MICAL3: variants seen among roughly 807,000 people sequenced by gnomAD.
The protein encoded by MICAL3 is [F-actin]-monooxygenase MICAL3.
Under a neutral mutation model 207.4 loss-of-function variants are expected in MICAL3, and 62 were observed. The observed-to-expected ratio is 0.30, with a 90% CI of 0.24 to 0.37. The LOEUF is 0.37. Ranked by LOEUF, MICAL3 falls within the 10% of genes least tolerant of loss-of-function variation. MICAL3 has a pLI of 1.00. For missense variants in MICAL3, 2,368 were observed against 2,635.6 expected (o/e 0.90, Z 2.22); for synonymous variants, 1,077 against 1,069.3 (o/e 1.01, Z -0.14).
intron 20 of MICAL3, chr22:17,839,520 G>A (rs1378336338): frequency 1.3e-5 from 2 of 150,564 alleles, no homozygotes; most frequent in Non-Finnish European, 2.9e-5. Context: ...GCCTCCCAAA[G>A]TGCTGGGATT....
chr22:17,853,775 C>G (rs756337930), intron 19 of MICAL3, among the ~76,000 whole-genome samples: 8 of 152,228 alleles, frequency 5.3e-5, no homozygotes, highest in Non-Finnish European at 1.2e-4. Context: ...CTCTCTGAGG[C>G]TGGGGCCACC....
chr22:17,833,874 T>C (rs1359235440), intron 20 of MICAL3, among the ~76,000 whole-genome samples: 3 of 152,182 alleles, frequency 2.0e-5, no homozygotes, highest in African/African-American at 7.2e-5. Flanking sequence ...AGAGTACAGC[T>C]GTCCTGGCCC....
At chr22:18,018,023 T>G (rs920010958) in intron 1 of MICAL3, among the ~76,000 whole-genome samples, 1 of 151,898 alleles carries the variant, frequency 6.6e-6, no homozygotes, top group Non-Finnish European at 1.5e-5. Flanking sequence ...GTGCTGGGAT[T>G]ACAGGCATGC....
chr22:17,866,077 T>C (rs1190003917), intron 17 of MICAL3, 65 bp from the exon 18 acceptor site: 1 of 1,223,898 alleles, frequency 8.2e-7, no homozygotes, highest in African/African-American at 1.5e-5. Flanking sequence ...CGTGCCTCCC[T>C]GGTCTCAGCC....
In MICAL3 at chr22:17,889,091, T is replaced by C. The variant is rs762488684; in HGVS notation, c.1834A>G (p.Met612Val). ...ASVGEPDKLS[M>V]VMYLTQFYEM... The stretch of plus-strand genomic sequence containing the variant: ...TAGAACTGAGTCAGGTACATCACCA[T>C]GGACAGCTTATCAGGCTCCCCCACG... Residue 612 changes from methionine to valine, a missense_variant, in exon 13 of 32, where the codon ATG (methionine) becomes GTG (valine). Met to Val is a conservative substitution (Grantham distance 21). Around this residue, in one of 4 missense-constraint regions of MICAL3, gnomAD observed 1,770 missense variants for 1,863.2 expected, o/e 0.95. Transcript: ENST00000441493. 2 of 1,613,672 alleles carry C rather than the reference T, an allele frequency of 1.2e-6. No homozygotes were observed. The highest frequency in any genetic ancestry group is 2.7e-5 in the African/African-American group (2 of 74,918).
intron 1 of MICAL3, among the ~76,000 whole-genome samples, chr22:17,961,145 G>A (rs1934895290): frequency 1.3e-5 from 2 of 152,176 alleles, no homozygotes. Context: ...GAGGATGGCT[G>A]GCGGTGGCCT....
chr22:17,885,600 C>A (rs1356407838), intron 16 of MICAL3, among the ~76,000 whole-genome samples: 2 of 151,234 alleles, frequency 1.3e-5, no homozygotes, highest in Non-Finnish European at 2.9e-5. Flanking sequence ...CAAACATGTA[C>A]AGATGTACAG....
chr22:18,002,959 A>G (rs1026233178), intron 1 of MICAL3, among the ~76,000 whole-genome samples: 1 of 152,158 alleles, frequency 6.6e-6, no homozygotes, highest in Non-Finnish European at 1.5e-5. Flanking sequence ...GATCCAGACC[A>G]TCCTGGATAA....
chr22:17,899,032 C>T (rs571612288), intron 7 of MICAL3, among the ~76,000 whole-genome samples: 112 of 152,324 alleles, frequency 7.4e-4, no homozygotes, highest in African/African-American at 2.5e-3. Context: ...TTCAACCAAC[C>T]AATCATCAGT....
intron 27 of MICAL3, among the ~76,000 whole-genome samples, chr22:17,811,846 G>A (rs563968622): frequency 3.3e-5 from 5 of 152,272 alleles, no homozygotes; most frequent in Middle Eastern, 3.4e-3. Flanking sequence ...CTGGACTCAC[G>A]TGATCCTCCC....
intron 19 of MICAL3, among the ~76,000 whole-genome samples, chr22:17,858,120 G>C (rs1926121250): frequency 6.6e-6 from 1 of 152,244 alleles, no homozygotes; most frequent in Admixed American, 6.5e-5. Flanking sequence ...CCATCCACCT[G>C]GAGGCCCGCA....
At chr22:17,801,699 G>A (rs988299095) in intron 29 of MICAL3, among the ~76,000 whole-genome samples, 5 of 151,764 alleles carry the variant, frequency 3.3e-5, no homozygotes, top group Admixed American at 1.3e-4. Flanking sequence ...TTGGAGACCA[G>A]CCTGGCCAAC....
At chr22:17,866,078 G>T in intron 17 of MICAL3, 66 bp from the exon 18 acceptor site, 1 of 1,199,328 alleles carries the variant, frequency 8.3e-7, no homozygotes, top group African/African-American at 1.5e-5. Context: ...GTGCCTCCCT[G>T]GTCTCAGCCA....
chr22:17,865,150 A>G (rs9605418), intron 18 of MICAL3, among the ~76,000 whole-genome samples, 164 bp from the exon 19 acceptor site: 74,181 of 151,422 alleles, frequency 0.49, 19,378 homozygotes, highest in African/African-American at 0.68. Flanking sequence ...CCTTGCTGGC[A>G]CCCAGGCTGG....
At chr22:17,836,097 C>G (rs545628459) in intron 20 of MICAL3, among the ~76,000 whole-genome samples, 1 of 152,350 alleles carries the variant, frequency 6.6e-6, no homozygotes, top group East Asian at 1.9e-4. Context: ...TGAATTTCCC[C>G]CCAGCTGTCT....
chr22:17,981,759 G>C (rs1426523614), intron 1 of MICAL3, among the ~76,000 whole-genome samples: 1 of 152,170 alleles, frequency 6.6e-6, no homozygotes, highest in African/African-American at 2.4e-5. Context: ...GATGAGTTTT[G>C]AGTATTTATT....
chr22:17,985,284 C>T (rs1280916700), intron 1 of MICAL3, among the ~76,000 whole-genome samples: 2 of 150,924 alleles, frequency 1.3e-5, no homozygotes, highest in Non-Finnish European at 2.9e-5. Flanking sequence ...GTGCCCGATT[C>T]CCTGCCTCCC....
In MICAL3 at chr22:17,841,760, A is replaced by C; in HGVS notation, c.2801+62T>G. 1 of 1,495,818 alleles carries C rather than the reference A, an allele frequency of 6.7e-7. No individual in the cohort carries two copies. Among genetic ancestry groups the C allele is most frequent in the Non-Finnish European group, 9.1e-7 (1 of 1,104,124 alleles). 92.7% of individuals were successfully genotyped at this position (1,495,818 alleles called of 1,614,324 possible). On this transcript the variant is annotated intron_variant, in intron 20 of 31. Transcript: ENST00000441493. The surrounding 1 kb of genome is among the most constrained non-coding windows in gnomAD (Gnocchi z 4.2). ...TCACTGAGAAGAAACCGAGACACAC[A>C]GAGGTGAGGAGGCTCTTAGGGCCGT...
intron 1 of MICAL3, among the ~76,000 whole-genome samples, chr22:17,986,992 G>A (rs534507170): frequency 3.2e-4 from 49 of 152,006 alleles, no homozygotes; most frequent in African/African-American, 1.1e-3. Context: ...TAATTCCAAC[G>A]CTTTGGGAGG....
Sources: allele counts gnomAD v4.1 joint callset (sites outside exome capture counted in the v4.1 genomes callset), GRCh38; gene constraint gnomAD v4.1.1; regional missense constraint gnomAD v4.1.1; non-coding constraint Gnocchi (gnomAD v3.1); transcripts MANE v1.5; gene names NCBI Gene and HGNC (gene_info 2026-07-23, HGNC 2026-07-21).